The following KCND2 variants were observed in gnomAD, a reference collection of about 807,000 sequenced individuals.
The protein encoded by KCND2 is A-type voltage-gated potassium channel KCND2.
In KCND2, 16 loss-of-function variants were observed where a neutral mutation model predicts 54.4. The ratio of observed to expected loss-of-function variants is 0.29; its 90% CI spans 0.20 to 0.45. KCND2 has a LOEUF of 0.45. KCND2 is among the 20% of genes least tolerant of loss of function. The pLI is 1.00. For synonymous variants in KCND2, 317 were observed against 310.7 expected (o/e 1.02, Z -0.21); for missense variants, 486 against 824.2 (o/e 0.59, Z 5.02).
chr7:120,412,521 A>G (rs887183449), intron 1 of KCND2, among the ~76,000 whole-genome samples: 1 of 151,506 alleles, frequency 6.6e-6, no homozygotes, highest in Non-Finnish European at 1.5e-5. Context: ...AATTACATAT[A>G]TTGTATTACA....
At chr7:120,585,528 T>C (rs1792586364) in intron 1 of KCND2, among the ~76,000 whole-genome samples, 1 of 151,996 alleles carries the variant, frequency 6.6e-6, no homozygotes. Flanking sequence ...AGAGAAAGCA[T>C]GGGTCTGAAT....
chr7:120,620,537 A>T (rs1330083441), intron 1 of KCND2, among the ~76,000 whole-genome samples: 2 of 152,228 alleles, frequency 1.3e-5, no homozygotes, highest in African/African-American at 4.8e-5. Context: ...CTGATACAAA[A>T]GGCTAAATTT....
chr7:120,377,886 G>T (rs935164491), intron 1 of KCND2, among the ~76,000 whole-genome samples: 1 of 151,826 alleles, frequency 6.6e-6, no homozygotes, highest in Non-Finnish European at 1.5e-5. Flanking sequence ...CTTCTGTGAC[G>T]CATCAGCCAG....
chr7:120,583,784 T>TGGGTG (rs1792551198), intron 1 of KCND2, among the ~76,000 whole-genome samples: 1 of 142,586 alleles, frequency 7.0e-6, no homozygotes, highest in African/African-American at 2.8e-5. Context: ...ATAGGAATTG[T>TGGGTG]GGGGGGGGGG....
intron 5 of KCND2, 42 bp downstream of exon 5, chr7:120,746,069 T>C: frequency 6.2e-7 from 1 of 1,604,640 alleles, no homozygotes; most frequent in South Asian, 1.1e-5. Context: ...CCTGTGCTGG[T>C]TCCCAGGGTG....
rs544071574 is a variant in KCND2 at position 120,312,214 on chromosome 7, A to AT, written c.1115+36476dup. Among the ~76,000 whole-genome samples, 722 of 150,954 alleles carry AT rather than the reference A, an allele frequency of 4.8e-3. 3 individuals are homozygous for AT. Among genetic ancestry groups the AT allele is most frequent in the African/African-American group, 0.013 (530 of 41,220 alleles). On this transcript the variant is annotated intron_variant, in intron 1 of 5. Transcript: ENST00000331113. The stretch of plus-strand genomic sequence containing the variant: ...GAGCCACTGTGCCTGGCCCTTAGGT[A>AT]TTTTTTTTTAAATGACCGCGTAGTA...
At chr7:120,356,435 C>G (rs1800506303) in intron 1 of KCND2, among the ~76,000 whole-genome samples, 3 of 151,966 alleles carry the variant, frequency 2.0e-5, no homozygotes, top group Non-Finnish European at 4.4e-5. Flanking sequence ...AACAGGAATG[C>G]TAAATCATAA....
chr7:120,651,822 A>T (rs996740028), intron 1 of KCND2, among the ~76,000 whole-genome samples: 2 of 152,040 alleles, frequency 1.3e-5, no homozygotes, highest in Non-Finnish European at 2.9e-5. Flanking sequence ...ATTTACCTCC[A>T]CCTTAAATTA....
chr7:120,714,648 A>G (rs1792580910), intron 1 of KCND2, among the ~76,000 whole-genome samples: 1 of 152,138 alleles, frequency 6.6e-6, no homozygotes, highest in African/African-American at 2.4e-5. Flanking sequence ...ATAATGAAAT[A>G]GAACATAAAA....
At chr7:120,687,806 AAT>A (rs1378110560) in intron 1 of KCND2, among the ~76,000 whole-genome samples, 10 of 152,230 alleles carry the variant, frequency 6.6e-5, no homozygotes, top group Admixed American at 6.5e-4. Context: ...ATGTTACATA[AAT>A]ATATAATTAT....
intron 1 of KCND2, among the ~76,000 whole-genome samples, chr7:120,679,783 C>T (rs778438449): frequency 3.3e-5 from 5 of 151,998 alleles, no homozygotes; most frequent in Non-Finnish European, 5.9e-5. Flanking sequence ...TCCCTTTAGT[C>T]ATGAAAAGTC....
At chr7:120,432,030 T>C (rs1482206866) in intron 1 of KCND2, among the ~76,000 whole-genome samples, 1 of 152,218 alleles carries the variant, frequency 6.6e-6, no homozygotes, top group East Asian at 1.9e-4. Context: ...CCATTAAATA[T>C]ATGCTCATGT....
chr7:120,700,068 G>A (rs777779783), intron 1 of KCND2, among the ~76,000 whole-genome samples: 4 of 152,006 alleles, frequency 2.6e-5, no homozygotes, highest in Non-Finnish European at 5.9e-5. Flanking sequence ...GAGCTTCAGG[G>A]GTGATATTGA....
chr7:120,661,890 C>A (rs1303924099), intron 1 of KCND2, among the ~76,000 whole-genome samples: 1 of 152,144 alleles, frequency 6.6e-6, no homozygotes, highest in Non-Finnish European at 1.5e-5. Context: ...TAACACTGAG[C>A]TACAGGTATT....
intron 1 of KCND2, among the ~76,000 whole-genome samples, chr7:120,289,087 G>C (rs1388096330): frequency 8.0e-5 from 12 of 150,202 alleles, no homozygotes; most frequent in African/African-American, 2.7e-4. Flanking sequence ...CAGAGAGAGA[G>C]AGAGAGACTA....
chr7:120,490,916 G>C (rs1802769641), intron 1 of KCND2, among the ~76,000 whole-genome samples: 1 of 151,998 alleles, frequency 6.6e-6, no homozygotes, highest in Admixed American at 6.6e-5. Context: ...CGAGATTTTG[G>C]GAATCACAGC....
chr7:120,447,520 C>CA (rs1234339751), intron 1 of KCND2, among the ~76,000 whole-genome samples: 2 of 152,070 alleles, frequency 1.3e-5, no homozygotes, highest in South Asian at 2.1e-4. Context: ...AGAAATGACT[C>CA]AGAGGCCATA....
chr7:120,465,544 GAGA>G (rs1225196811), intron 1 of KCND2, among the ~76,000 whole-genome samples: 1 of 152,098 alleles, frequency 6.6e-6, no homozygotes, highest in East Asian at 1.9e-4. Flanking sequence ...GAAGGATTTA[GAGA>G]AGAAGAAAGT....
chr7:120,401,162 T>C (rs11769050), intron 1 of KCND2, among the ~76,000 whole-genome samples: 15,761 of 152,082 alleles, frequency 0.1, 854 homozygotes, highest in Admixed American at 0.13. Flanking sequence ...TGGTTCAAAC[T>C]GAGAGAAAAG....
Sources: gnomAD v4.1 joint callset for allele counts (sites outside exome capture counted in the v4.1 genomes callset) on GRCh38, gnomAD v4.1.1 for gene constraint, MANE v1.5 for transcripts, NCBI Gene and HGNC (gene_info 2026-07-23, HGNC 2026-07-21) for gene names.